The following SH2D4A variants were observed in gnomAD, a reference collection of about 807,000 sequenced individuals.
The protein encoded by SH2D4A is SH2 domain containing 4A.
In SH2D4A, 70 loss-of-function variants were observed where a neutral mutation model predicts 64.7. That is an observed-to-expected ratio of 1.08 (90% CI 0.89 to 1.32). SH2D4A has a LOEUF of 1.32. Among genes scored for constraint, SH2D4A ranks in the 40% most tolerant of loss-of-function variants. The pLI is 0.00. For missense variants in SH2D4A, 706 were observed against 540.1 expected (o/e 1.31, Z -3.04); for synonymous variants, 268 against 200.7 (o/e 1.34, Z -2.83).
chr8:19,376,720 C>T (rs1188780685), intron 8 of SH2D4A, among the ~76,000 whole-genome samples: 1 of 152,086 alleles, frequency 6.6e-6, no homozygotes, highest in Non-Finnish European at 1.5e-5. Flanking sequence ...GACCATGGCC[C>T]AGTCAAGTTG....
intron 7 of SH2D4A, 85 bp from the exon 8 acceptor site, chr8:19,373,445 T>C: frequency 4.2e-6 from 1 of 237,602 alleles, no homozygotes; most frequent in Non-Finnish European, 5.7e-6. Flanking sequence ...TGTGTGTGTG[T>C]ATATATATAT....
intron 8 of SH2D4A, chr8:19,375,750 C>G (rs551122564): frequency 6.6e-6 from 1 of 151,628 alleles, no homozygotes; most frequent in Non-Finnish European, 1.5e-5. Flanking sequence ...AATGTTCTCA[C>G]CAGAAAAAAA....
At chr8:19,357,131 A>G in intron 4 of SH2D4A, 72 bp from the exon 5 acceptor site, 1 of 1,238,720 alleles carries the variant, frequency 8.1e-7, no homozygotes, top group South Asian at 1.2e-5. Flanking sequence ...AACCAGGGAA[A>G]CATTGACAGA....
intron 8 of SH2D4A, among the ~76,000 whole-genome samples, chr8:19,377,858 T>C (rs973781959): frequency 3.3e-5 from 5 of 152,190 alleles, no homozygotes; most frequent in African/African-American, 9.7e-5. Flanking sequence ...AGGTAGGATA[T>C]GTGCATCTTT....
intron 2 of SH2D4A, among the ~76,000 whole-genome samples, chr8:19,328,487 G>C (rs143353624): frequency 6.6e-6 from 1 of 152,002 alleles, no homozygotes; most frequent in Non-Finnish European, 1.5e-5. Flanking sequence ...TAAATCCAGT[G>C]GCCTGAACCT....
At chr8:19,347,925 CACACA>C (rs1422743300) in intron 4 of SH2D4A, among the ~76,000 whole-genome samples, 1 of 152,314 alleles carries the variant, frequency 6.6e-6, no homozygotes, top group East Asian at 1.9e-4. Flanking sequence ...CATACATGCA[CACACA>C]ACACACGTGT....
intron 4 of SH2D4A, 63 bp downstream of exon 4, chr8:19,334,920 C>A: frequency 3.3e-6 from 5 of 1,513,408 alleles, no homozygotes; most frequent in Middle Eastern, 2.2e-4. Flanking sequence ...GCTATTGAGG[C>A]CACAGAGACT....
intron 1 of SH2D4A, among the ~76,000 whole-genome samples, chr8:19,318,614 T>G (rs1338311283): frequency 1.3e-5 from 2 of 152,182 alleles, no homozygotes; most frequent in African/African-American, 4.8e-5. Context: ...GTTTATCTGG[T>G]CTGTCCATTT....
chr8:19,364,586 C>G (rs1227853263), intron 7 of SH2D4A, among the ~76,000 whole-genome samples: 2 of 151,340 alleles, frequency 1.3e-5, no homozygotes, highest in Admixed American at 6.6e-5. Context: ...CCCTCCCCCG[C>G]CCCCCTCCCC....
At chr8:19,331,620 A>T (rs1399419292) in intron 2 of SH2D4A, among the ~76,000 whole-genome samples, 1 of 152,218 alleles carries the variant, frequency 6.6e-6, no homozygotes, top group East Asian at 1.9e-4. Context: ...TGGTTATATT[A>T]TCTTCTCACA....
rs1585141604 is a variant in SH2D4A, at chr8:19,319,807, C to G, written c.181+79C>G. 9 of 1,405,580 alleles carry G rather than the reference C, an allele frequency of 6.4e-6. No individual in the cohort carries two copies. The African/African-American group carries it at 1.3e-4, about 20-fold the overall frequency. The allele number at this position is 1,405,580 out of a possible 1,614,324, so 87.1% of individuals were successfully genotyped here. ...TGCTTTGACAATTTCACACTAGTCA[C>G]AAGCAAAGCAGGTGCAAGTTCCAGT... On this transcript the variant is annotated intron_variant, in intron 2 of 9. Transcript: ENST00000265807.
At chr8:19,374,442 T>C (rs2053160580) in intron 8 of SH2D4A, among the ~76,000 whole-genome samples, 1 of 152,114 alleles carries the variant, frequency 6.6e-6, no homozygotes, top group Admixed American at 6.5e-5. Flanking sequence ...AAAAATACAG[T>C]CCCCTCCCAG....
chr8:19,350,672 CAG>C (rs980113853), intron 4 of SH2D4A, among the ~76,000 whole-genome samples: 3 of 152,110 alleles, frequency 2.0e-5, no homozygotes, highest in Non-Finnish European at 2.9e-5. Flanking sequence ...TCTGTAAAGA[CAG>C]GGTTTCACCA....
rs569909984 is a variant in SH2D4A at position 19,394,506 on chromosome 8, G to A, written c.1273-44G>A. The A allele has an allele frequency of 4.5e-6, 6 of 1,341,856 alleles. No individual in the cohort carries two copies. In the East Asian group the frequency reaches 1.5e-4, roughly 33 times the overall value. 83.1% of individuals were successfully genotyped at this position (1,341,856 alleles called of 1,614,324 possible). On this transcript the variant is annotated intron_variant, in intron 9 of 9. Transcript: ENST00000265807. The stretch of plus-strand genomic sequence containing the variant: ...CTCTGAGGAAGTAGGAAGAGCATGT[G>A]GTCACTACTTACACTATCTGACCCC...
chr8:19,394,320 T>C (rs1048347403), intron 9 of SH2D4A, among the ~76,000 whole-genome samples: 5 of 152,180 alleles, frequency 3.3e-5, no homozygotes, highest in African/African-American at 1.2e-4. Context: ...GCCCTGGGGT[T>C]GGGGACCCCT....
chr8:19,357,969 G>A (rs949115620), intron 5 of SH2D4A, among the ~76,000 whole-genome samples: 2 of 152,144 alleles, frequency 1.3e-5, no homozygotes, highest in African/African-American at 4.8e-5. Flanking sequence ...AGGGACCTGT[G>A]TTCCTGTGGA....
chr8:19,393,900 G>C (rs11984921), intron 9 of SH2D4A, among the ~76,000 whole-genome samples: 1,747 of 152,286 alleles, frequency 0.011, 35 homozygotes, highest in African/African-American at 0.041. Context: ...TTGGGGGATG[G>C]TTTCAGGATG....
chr8:19,334,897 T>C, intron 4 of SH2D4A, 40 bp downstream of exon 4: 3 of 1,552,032 alleles, frequency 1.9e-6, no homozygotes, highest in Non-Finnish European at 2.6e-6. Flanking sequence ...AATTTCATCA[T>C]GGGGGAGAAA....
At chr8:19,367,321 A>T (rs1005529113) in intron 7 of SH2D4A, among the ~76,000 whole-genome samples, 1 of 152,042 alleles carries the variant, frequency 6.6e-6, no homozygotes, top group Non-Finnish European at 1.5e-5. Flanking sequence ...GAGAAACTTC[A>T]TATGGTTGTC....
Sources: gnomAD v4.1 joint callset for allele counts (sites outside exome capture counted in the v4.1 genomes callset) on GRCh38, gnomAD v4.1.1 for gene constraint, MANE v1.5 for transcripts, NCBI Gene and HGNC (gene_info 2026-07-23, HGNC 2026-07-21) for gene names.